The following RIN2 variants were observed in gnomAD, a reference collection of about 807,000 sequenced individuals.
RIN2 encodes Ras and Rab interactor 2.
RIN2 carries 36 observed loss-of-function variants against 78.0 expected under a neutral mutation model. That is an observed-to-expected ratio of 0.46 (90% CI 0.35 to 0.61). The LOEUF (loss-of-function observed/expected upper bound fraction) is 0.61, where lower values mean the gene tolerates loss of function less well. Ranked by LOEUF, RIN2 falls within the 20% of genes least tolerant of loss-of-function variation. RIN2 has a pLI of 0.00. For synonymous variants in RIN2, 466 were observed against 466.8 expected (o/e 1.00, Z 0.02); for missense variants, 1,087 against 1,159.7 (o/e 0.94, Z 0.91).
chr20:19,902,015 CAAA>C lies in RIN2; in HGVS notation c.57+12382_57+12384del, dbSNP rs55949901. On this transcript the variant is annotated intron_variant, in intron 3 of 12. Coordinates refer to ENST00000255006, the MANE Select transcript of RIN2 (RefSeq NM_018993.4). ...TGGGCGACAGAACGAGACTCTGTCT[CAAA>C]AAAAAAAAAAAAAAAAAAAAAAAAT... Among the ~76,000 whole-genome samples, 176 of 100,638 alleles carry C rather than the reference CAAA, an allele frequency of 1.7e-3. 1 individual carries two copies. Among genetic ancestry groups the C allele is most frequent in the East Asian group, 6.6e-3 (21 of 3,184 alleles). The allele number at this position is 100,638 out of a possible 152,430, so 66.0% of individuals were successfully genotyped here.
intron 9 of RIN2, among the ~76,000 whole-genome samples, chr20:19,978,133 G>A (rs1163586751): frequency 6.6e-6 from 1 of 152,002 alleles, no homozygotes; most frequent in African/African-American, 2.4e-5. Flanking sequence ...GTCTATGTGG[G>A]CTTAAAAACT....
chr20:19,852,949 A>C (rs1404679803), intron 2 of RIN2, among the ~76,000 whole-genome samples: 1 of 151,700 alleles, frequency 6.6e-6, no homozygotes, highest in Non-Finnish European at 1.5e-5. Flanking sequence ...TTTGTTACAT[A>C]TGTATACATG....
intron 2 of RIN2, among the ~76,000 whole-genome samples, chr20:19,866,068 G>A (rs1177668797): frequency 6.6e-6 from 1 of 152,000 alleles, no homozygotes; most frequent in African/African-American, 2.4e-5. Context: ...CCTTAATGTA[G>A]AATCAGTGGG....
intron 7 of RIN2, among the ~76,000 whole-genome samples, chr20:19,968,132 C>T (rs1324785835): frequency 6.6e-6 from 1 of 152,166 alleles, no homozygotes; most frequent in Non-Finnish European, 1.5e-5. Context: ...CTAGGGACCT[C>T]ACTTGTCTGT....
Position 19,996,861 on chromosome 20 carries a change from C to T in RIN2, c.2364+19C>T. 6.4e-7 allele frequency: 1 copy of T among 1,556,500 alleles called. No homozygotes were observed. Among genetic ancestry groups the T allele is most frequent in the Non-Finnish European group, 8.7e-7 (1 of 1,148,416 alleles). ...CTTCCAGGTGTGCAGCTGGCCACCC[C>T]TTTGCTTCCTTCGTCCTCCAGGAAT... On this transcript the variant is annotated intron_variant, in intron 12 of 12. Coordinates refer to ENST00000255006, the MANE Select transcript of RIN2 (RefSeq NM_018993.4).
At chr20:19,844,692 CTCTTCCTCTTCTTCTTCTTCT>C (rs146189493) in intron 2 of RIN2, among the ~76,000 whole-genome samples, 47,987 of 116,282 alleles carry the variant, frequency 0.41, 11,550 homozygotes, top group African/African-American at 0.51. Flanking sequence ...CTTCCTCTTC[CTCTTCCTCTTCTTCTTCTTCT>C]TCTTCTTCTT....
chr20:19,825,068 A>G (rs996305232), intron 2 of RIN2, among the ~76,000 whole-genome samples: 2 of 152,216 alleles, frequency 1.3e-5, no homozygotes, highest in African/African-American at 4.8e-5. Context: ...ACTGTGGGGT[A>G]TGAGTCATGC....
chr20:19,777,011 C>T (rs1363255313), intron 1 of RIN2, among the ~76,000 whole-genome samples: 2 of 152,152 alleles, frequency 1.3e-5, no homozygotes, highest in African/African-American at 4.8e-5. Context: ...ATATATTTTA[C>T]AGAGTTGGAC....
intron 11 of RIN2, among the ~76,000 whole-genome samples, chr20:19,995,970 G>A (rs372120087): frequency 2.6e-5 from 4 of 152,162 alleles, no homozygotes; most frequent in African/African-American, 2.4e-5. Context: ...CCACCTCCCC[G>A]TCAGGCCTTA....
chr20:19,993,107 G>T (rs2042845398), intron 11 of RIN2, among the ~76,000 whole-genome samples: 1 of 152,126 alleles, frequency 6.6e-6, no homozygotes, highest in Non-Finnish European at 1.5e-5. Context: ...AGGATGTTTG[G>T]CACAGTAGTG....
intron 2 of RIN2, among the ~76,000 whole-genome samples, chr20:19,841,953 C>G (rs573893348): frequency 1.2e-4 from 18 of 152,188 alleles, no homozygotes; most frequent in Non-Finnish European, 2.5e-4. Flanking sequence ...GATGAAACAG[C>G]CTTTTGTTGG....
At chr20:19,928,199 G>A (rs571524872) in intron 3 of RIN2, among the ~76,000 whole-genome samples, 25 of 152,298 alleles carry the variant, frequency 1.6e-4, no homozygotes, top group African/African-American at 5.8e-4. Context: ...CACTGTGCCC[G>A]ACCTGTTGCA....
In RIN2 at chr20:19,974,996, G is replaced by C. The variant is rs747985689; in HGVS notation, c.971G>C (p.Arg324Pro). The C allele has an allele frequency of 6.7e-7, 1 of 1,484,422 alleles. No individual in the cohort carries two copies. Among genetic ancestry groups the C allele is most frequent in the Non-Finnish European group, 9.1e-7 (1 of 1,104,370 alleles). The allele number at this position is 1,484,422 out of a possible 1,614,324, so 92.0% of individuals were successfully genotyped here. A position where few individuals can be genotyped will look rare whatever the true frequency, so the allele number is the denominator to read the frequency against. Residue 324 changes from arginine (R) to proline (P), a missense_variant, in exon 9 of 13, where the codon CGG becomes CCG. By Grantham distance (103) the Arg-to-Pro change is moderately radical. Coordinates refer to ENST00000255006, the MANE Select transcript of RIN2 (RefSeq NM_018993.4). ...ATTAATAGTCTCCACACAAGCCCTC[G>C]GCTGGCCAGGACTGAAACCCAGACG... is the stretch of plus-strand genomic sequence containing the variant. ...PAINSLHTSPRLARTETQTSM... is the reference protein window; with the variant it reads ...PAINSLHTSPPLARTETQTSM...
At chr20:19,928,256 T>G (rs1284375006) in intron 3 of RIN2, among the ~76,000 whole-genome samples, 1 of 152,176 alleles carries the variant, frequency 6.6e-6, no homozygotes, top group East Asian at 1.9e-4. Context: ...GACCTTCCCT[T>G]GACATCATCA....
At chr20:19,825,288 C>A (rs931994921) in intron 2 of RIN2, among the ~76,000 whole-genome samples, 4 of 152,186 alleles carry the variant, frequency 2.6e-5, no homozygotes, top group Non-Finnish European at 5.9e-5. Context: ...TTCTTGACAG[C>A]CCTGCTACCT....
intron 3 of RIN2, among the ~76,000 whole-genome samples, chr20:19,928,424 CT>C (rs1304562590): frequency 6.6e-6 from 1 of 152,200 alleles, no homozygotes; most frequent in African/African-American, 2.4e-5. Context: ...CCAGTCAGAG[CT>C]TCAGGCCACA....
At chr20:19,765,931 G>A (rs1033587905) in intron 1 of RIN2, among the ~76,000 whole-genome samples, 3 of 152,158 alleles carry the variant, frequency 2.0e-5, no homozygotes, top group African/African-American at 7.2e-5. Flanking sequence ...GAGGGAGGGA[G>A]GGAAGGAGGG....
intron 3 of RIN2, chr20:19,895,985 C>T (rs2038701416): frequency 6.6e-6 from 1 of 152,158 alleles, no homozygotes; most frequent in South Asian, 2.1e-4. Context: ...TCATTCAGAA[C>T]TGGTCCAACT....
At chr20:19,967,245 T>C (rs1309925905) in intron 7 of RIN2, among the ~76,000 whole-genome samples, 1 of 152,188 alleles carries the variant, frequency 6.6e-6, no homozygotes, top group Admixed American at 6.5e-5. Flanking sequence ...GATACCAATA[T>C]ATAAGGTACT....
Sources: allele counts gnomAD v4.1 joint callset (sites outside exome capture counted in the v4.1 genomes callset), GRCh38; gene constraint gnomAD v4.1.1; transcripts MANE v1.5; gene names NCBI Gene and HGNC (gene_info 2026-07-23, HGNC 2026-07-21).